Variants in UQCC1 observed in about 807,000 individuals in gnomAD.
The protein encoded by UQCC1 is bFGF-repressed Zic-binding protein.
A neutral mutation model predicts 48.0 loss-of-function variants in UQCC1; 38 were observed. That is an observed-to-expected ratio of 0.79 (90% CI 0.61 to 1.04). UQCC1 has a LOEUF of 1.04. UQCC1 is among the 50% of genes least tolerant of loss of function. UQCC1 has a pLI of 0.00. For missense variants in UQCC1, 368 were observed against 381.8 expected (o/e 0.96, Z 0.30); for synonymous variants, 111 against 129.2 (o/e 0.86, Z 0.95).
chr20:35,406,522 A>C (rs543395174), intron 1 of UQCC1, among the ~76,000 whole-genome samples: 2 of 152,380 alleles, frequency 1.3e-5, no homozygotes, highest in South Asian at 4.1e-4. Context: ...TCAAAAGTGA[A>C]GGAAAAAATG....
Position 35,394,090 on chromosome 20 carries a change from A to C in UQCC1, c.129+2T>G, listed in dbSNP as rs762159828. ...ACTAAGCAAAAGAACAACAAATCTT[A>C]CCTGGGAAGTGCGAGACAGAGCCCT... On this transcript the variant is annotated splice_donor_variant, in intron 2 of 9. Coordinates refer to ENST00000374385, the MANE Select transcript of UQCC1 (RefSeq NM_018244.5). LOFTEE classifies it high-confidence loss of function. 1.2e-6 allele frequency: 2 copies of C among 1,612,382 alleles called. No individual in the cohort carries two copies. The highest frequency in any genetic ancestry group is 1.7e-5 in the Admixed American group (1 of 60,010).
At chr20:35,380,024 TA>T (rs1332639922) in intron 4 of UQCC1, among the ~76,000 whole-genome samples, 1 of 152,074 alleles carries the variant, frequency 6.6e-6, no homozygotes, top group African/African-American at 2.4e-5. Context: ...CTAGAATCAT[TA>T]AAAAACAGCC....
intron 6 of UQCC1, among the ~76,000 whole-genome samples, chr20:35,363,175 T>C (rs1420138629): frequency 6.6e-6 from 1 of 152,082 alleles, no homozygotes; most frequent in Non-Finnish European, 1.5e-5. Flanking sequence ...TTACGATGGG[T>C]CAGAGTCAAA....
At chr20:35,304,624 C>T in intron 9 of UQCC1, 1 of 158,764 alleles carries the variant, frequency 6.3e-6, no homozygotes, top group East Asian at 1.8e-4. Flanking sequence ...GCTAGGCACT[C>T]ACGCTTTAAA....
chr20:35,408,194 T>C (rs75095750), intron 1 of UQCC1, among the ~76,000 whole-genome samples: 3,291 of 152,214 alleles, frequency 0.022, 123 homozygotes, highest in African/African-American at 0.074. Context: ...TTCGAGAGGC[T>C]GAGGCAGGAG....
At chr20:35,393,503 AAC>A (rs3055772) in intron 2 of UQCC1, among the ~76,000 whole-genome samples, 18,141 of 146,654 alleles carry the variant, frequency 0.12, 1,280 homozygotes, top group South Asian at 0.23. Context: ...AACACACACA[AAC>A]ACACACACAC....
intron 1 of UQCC1, among the ~76,000 whole-genome samples, chr20:35,395,030 G>A (rs929183148): frequency 2.6e-5 from 4 of 152,144 alleles, no homozygotes; most frequent in Non-Finnish European, 2.9e-5. Flanking sequence ...AAATGGAAGC[G>A]ATGCAAAAGA....
chr20:35,333,928 A>G (rs189694814), intron 7 of UQCC1, among the ~76,000 whole-genome samples: 2 of 152,284 alleles, frequency 1.3e-5, no homozygotes, highest in Admixed American at 1.3e-4. Context: ...GTGACCATGG[A>G]AAGAGCTGTA....
chr20:35,367,072 C>CAATA (rs2061675881), intron 5 of UQCC1, among the ~76,000 whole-genome samples: 2 of 119,272 alleles, frequency 1.7e-5, no homozygotes. Context: ...CCAGCCTGGG[C>CAATA]AATAGAGTGA....
At chr20:35,386,145 A>C (rs1178411006) in intron 2 of UQCC1, 1 of 327,898 alleles carries the variant, frequency 3.0e-6, no homozygotes, top group Non-Finnish European at 5.9e-6. Context: ...CAAGTTTAGA[A>C]AGAACACACA....
At chr20:35,338,974 C>G (rs978074962) in intron 7 of UQCC1, among the ~76,000 whole-genome samples, 1 of 136,490 alleles carries the variant, frequency 7.3e-6, no homozygotes, top group African/African-American at 2.9e-5. Context: ...GAATAGAGAA[C>G]CTCTGAGGTA....
intron 7 of UQCC1, 59 bp from the exon 8 acceptor site, chr20:35,314,824 A>G: frequency 1.4e-6 from 2 of 1,430,342 alleles, no homozygotes; most frequent in Non-Finnish European, 1.9e-6. Flanking sequence ...AAACCCAAAA[A>G]GTATGATCTT....
intron 7 of UQCC1, among the ~76,000 whole-genome samples, chr20:35,341,752 G>T (rs993618372): frequency 6.6e-6 from 1 of 152,180 alleles, no homozygotes; most frequent in Non-Finnish European, 1.5e-5. Context: ...TGAGGCTGGG[G>T]TGTTAGGGCA....
At position 35,303,897 on chromosome 20, in the gene UQCC1, C is replaced by G. The variant is rs746307876; in HGVS notation, c.*38G>C. ...AGGCACTTCTCTCCTGGAGGTTCCT[C>G]GAAGCCAGCTGGCGGGCCGTGCGGA... is the stretch of plus-strand genomic sequence containing the variant. On this transcript the variant is annotated 3_prime_UTR_variant, in exon 10 of 10. Coordinates refer to ENST00000374385, the MANE Select transcript of UQCC1 (RefSeq NM_018244.5). 1.2e-6 allele frequency: 2 copies of G among 1,613,960 alleles called. No homozygotes were observed. Among genetic ancestry groups the G allele is most frequent in the South Asian group, 2.2e-5 (2 of 91,056 alleles).
At chr20:35,387,976 T>C (rs557728292) in intron 2 of UQCC1, among the ~76,000 whole-genome samples, 126 of 151,958 alleles carry the variant, frequency 8.3e-4, no homozygotes, top group Non-Finnish European at 1.4e-3. Context: ...TCTTATAAAG[T>C]ATATTTTCCT....
intron 7 of UQCC1, among the ~76,000 whole-genome samples, chr20:35,321,351 C>G (rs1329696693): frequency 6.6e-6 from 1 of 151,430 alleles, no homozygotes; most frequent in African/African-American, 2.4e-5. Context: ...TTGTTAATAC[C>G]AAGAATAAAA....
intron 2 of UQCC1, among the ~76,000 whole-genome samples, chr20:35,385,255 T>C (rs1245464231): frequency 6.6e-6 from 1 of 152,212 alleles, no homozygotes; most frequent in Admixed American, 6.5e-5. Context: ...ACTCAATAAA[T>C]AGCAGAAGTT....
intron 2 of UQCC1, among the ~76,000 whole-genome samples, chr20:35,387,576 G>A (rs2061960456): frequency 6.6e-6 from 1 of 151,780 alleles, no homozygotes; most frequent in Non-Finnish European, 1.5e-5. Context: ...CCACAGGAAT[G>A]ATCAAAGGGA....
chr20:35,336,585 C>T (rs116001953), intron 7 of UQCC1, among the ~76,000 whole-genome samples: 8 of 152,118 alleles, frequency 5.3e-5, no homozygotes, highest in African/African-American at 1.9e-4. Flanking sequence ...CAAGAGTCTC[C>T]CCTAGAACCT....
Sources: allele counts gnomAD v4.1 joint callset (sites outside exome capture counted in the v4.1 genomes callset), GRCh38; gene constraint gnomAD v4.1.1; transcripts MANE v1.5; gene names NCBI Gene and HGNC (gene_info 2026-07-23, HGNC 2026-07-21).